MAPKAPK2: variants seen among roughly 807,000 people sequenced by gnomAD.
The protein encoded by MAPKAPK2 is MAPK activated protein kinase 2, also known as MAP kinase-activated protein kinase 2.
Under a neutral mutation model 48.8 loss-of-function variants are expected in MAPKAPK2, and 9 were observed. The ratio of observed to expected loss-of-function variants is 0.18; its 90% CI spans 0.11 to 0.32. The LOEUF (loss-of-function observed/expected upper bound fraction) is 0.32. Ranked by LOEUF, MAPKAPK2 falls within the 10% of genes least tolerant of loss-of-function variation. MAPKAPK2 has a pLI of 1.00. For missense variants in MAPKAPK2, 331 were observed against 498.3 expected, an observed-to-expected ratio of 0.66 and a Z score of 3.20; for synonymous variants, 202 against 190.6, an observed-to-expected ratio of 1.06 and a Z score of -0.49.
chr1:206,730,500 G>C (rs563331673), intron 5 of MAPKAPK2, among the ~76,000 whole-genome samples, 188 bp from the exon 6 acceptor site: 11 of 152,348 alleles, frequency 7.2e-5, no homozygotes, highest in African/African-American at 2.6e-4. Flanking sequence ...CCTAGTTCCA[G>C]GTTCCTCATG....
At chr1:206,696,263 G>A (rs574479307) in intron 1 of MAPKAPK2, 1 of 1,304,710 alleles carries the variant, frequency 7.7e-7, no homozygotes, top group Non-Finnish European at 1.1e-6. Context: ...CCCTTTCAAG[G>A]TGCCATTTCT....
chr1:206,713,971 A>T (rs1553429917), intron 1 of MAPKAPK2, among the ~76,000 whole-genome samples: 1 of 152,126 alleles, frequency 6.6e-6, no homozygotes, highest in Non-Finnish European at 1.5e-5. Flanking sequence ...ACAAAATTGG[A>T]TTGCTTCTGT....
At chr1:206,707,782 A>G (rs973663540) in intron 1 of MAPKAPK2, among the ~76,000 whole-genome samples, 2 of 152,188 alleles carry the variant, frequency 1.3e-5, no homozygotes, top group South Asian at 2.1e-4. Context: ...TACAAAGTGG[A>G]CAGTCCACAT....
Position 206,732,656 on chromosome 1 carries a change from C to T in MAPKAPK2, c.1141C>T (p.Pro381Ser), listed in dbSNP as rs1673960719. The T allele has an allele frequency of 3.1e-6, 5 of 1,614,084 alleles. No homozygotes were observed. Among genetic ancestry groups the T allele is most frequent in the Admixed American group, 1.7e-5 (1 of 60,006 alleles). Residue 381 changes from proline (P) to serine (S), a missense_variant, in exon 10 of 10, where the codon CCT becomes TCT. Physicochemically the swap from Pro to Ser is moderately conservative, Grantham distance 74. This residue lies in a region of MAPKAPK2 where 124 missense variants were observed against 194.6 expected (regional missense o/e 0.64). Transcript: ENST00000367103. The surrounding 1 kb of genome is among the most constrained non-coding windows in gnomAD (Gnocchi z 4.4). Reference sequence around the variant, plus strand: ...AAAAAAGATTGAAGATGCATCCAACCCTCTGCTGCTGAAGAGGCGGAAGAA... The same window carrying T: ...AAAAAAGATTGAAGATGCATCCAACTCTCTGCTGCTGAAGAGGCGGAAGAA... ...KIKKIEDASNPLLLKRRKKAR... is the reference protein window; with the variant it reads ...KIKKIEDASNSLLLKRRKKAR...
rs1553433002 is a variant in MAPKAPK2 at position 206,732,942 on chromosome 1, T to A, written c.*224T>A. The A allele has an allele frequency of 1.9e-6, 1 of 519,414 alleles. No individual in the cohort carries two copies. The highest frequency in any genetic ancestry group is 3.1e-5 in the East Asian group (1 of 32,284). The allele number at this position is 519,414 out of a possible 1,614,324, so 32.2% of individuals were successfully genotyped here. A position where few individuals can be genotyped will look rare whatever the true frequency, so the allele number is the denominator to read the frequency against. ...TGGAGAGAAGTGAGCAAGGTGCTCT[T>A]GAACCTGTGCTCATTTTGCAATTTT... On this transcript the variant is annotated 3_prime_UTR_variant, in exon 10 of 10. Transcript: ENST00000367103. The surrounding 1 kb of genome is among the most constrained non-coding windows in gnomAD (Gnocchi z 4.4).
At chr1:206,685,702 C>A (rs1320396854) in intron 1 of MAPKAPK2, among the ~76,000 whole-genome samples, 194 bp downstream of exon 1, 11 of 149,818 alleles carry the variant, frequency 7.3e-5, no homozygotes, top group African/African-American at 2.7e-4. Context: ...CCTCCCTGAC[C>A]GCTTCCGGCC....
intron 1 of MAPKAPK2, among the ~76,000 whole-genome samples, chr1:206,691,435 T>C (rs1672449737): frequency 6.9e-6 from 1 of 144,692 alleles, no homozygotes; most frequent in African/African-American, 2.5e-5. Context: ...CAGATTGCTG[T>C]GTACCTTTTC....
intron 5 of MAPKAPK2, 109 bp downstream of exon 5, chr1:206,730,207 G>A (rs897042493): frequency 4.6e-5 from 62 of 1,338,064 alleles, no homozygotes; most frequent in Non-Finnish European, 6.0e-5. Context: ...TGTCTGTATG[G>A]CCCCTTCTGG....
intron 1 of MAPKAPK2, among the ~76,000 whole-genome samples, chr1:206,696,589 A>T (rs563168565): frequency 6.6e-6 from 1 of 152,282 alleles, no homozygotes; most frequent in South Asian, 2.1e-4. Context: ...CCATAGTTTC[A>T]GCTACTCAGG....
chr1:206,715,427 G>C (rs141846835), intron 1 of MAPKAPK2, among the ~76,000 whole-genome samples: 29 of 152,184 alleles, frequency 1.9e-4, no homozygotes, highest in African/African-American at 7.0e-4. Context: ...TACTGTCTCA[G>C]CTCTTCACTT....
chr1:206,713,129 C>T (rs1158794039), intron 1 of MAPKAPK2, among the ~76,000 whole-genome samples: 2 of 152,100 alleles, frequency 1.3e-5, no homozygotes, highest in Non-Finnish European at 2.9e-5. Flanking sequence ...AGACATTGTC[C>T]CAGCTTCCAA....
chr1:206,722,264 G>T (rs1411160145), intron 1 of MAPKAPK2, among the ~76,000 whole-genome samples: 1 of 152,138 alleles, frequency 6.6e-6, no homozygotes, highest in Non-Finnish European at 1.5e-5. Flanking sequence ...GGAAGCTGAG[G>T]CAGGAGAATG....
In MAPKAPK2 at chr1:206,732,259, G is replaced by T; in HGVS notation, c.1060-316G>T. On this transcript the variant is annotated intron_variant, in intron 9 of 9. Coordinates refer to ENST00000367103, the MANE Select transcript of MAPKAPK2 (RefSeq NM_032960.4). This position sits in a 1 kb window ranked among gnomAD's most constrained non-coding sequence, Gnocchi z 4.4. ...GCAGTCTGCTCAAGGTCACGCAGCT[G>T]GTGACTGGTTGGGGCAGACCGGACC... The T allele has an allele frequency of 6.8e-7, 1 of 1,477,992 alleles. No homozygotes were observed. 91.6% of individuals were successfully genotyped at this position (1,477,992 alleles called of 1,614,324 possible). A position where few individuals can be genotyped will look rare whatever the true frequency, so the allele number is the denominator to read the frequency against.
At chr1:206,712,516 T>A (rs1323941570) in intron 1 of MAPKAPK2, among the ~76,000 whole-genome samples, 2 of 152,208 alleles carry the variant, frequency 1.3e-5, no homozygotes, top group Non-Finnish European at 2.9e-5. Context: ...GTTGTTAGTT[T>A]TGGCGTATAT....
chr1:206,709,172 C>G (rs1553429102), intron 1 of MAPKAPK2, among the ~76,000 whole-genome samples: 1 of 152,182 alleles, frequency 6.6e-6, no homozygotes, highest in Non-Finnish European at 1.5e-5. Flanking sequence ...CTCTGCCCTG[C>G]CCTCTCATTG....
rs577890425 is a variant in MAPKAPK2 at position 206,701,298 on chromosome 1, G to A, written c.279+15790G>A. On this transcript the variant is annotated intron_variant, in intron 1 of 9. Coordinates refer to ENST00000367103, the MANE Select transcript of MAPKAPK2 (RefSeq NM_032960.4). ...ATTTAAAATTCAGTTCCTCAGTAGT[G>A]CCAGCCACATTTTAAGTGCTCAGTG... is the stretch of plus-strand genomic sequence containing the variant. 2.0e-5 allele frequency among the ~76,000 whole-genome samples: 3 copies of A among 152,310 alleles called. No individual in the cohort carries two copies. In the South Asian group the frequency reaches 6.2e-4, roughly 32 times the overall value.
In MAPKAPK2 at chr1:206,685,270, T is replaced by TAC; in HGVS notation, c.41_42insAC (p.Phe14LeufsTer123). 1.8e-6 allele frequency: 1 copy of TAC among 566,982 alleles called. No homozygotes were observed. The highest frequency in any genetic ancestry group is 2.6e-6 in the Non-Finnish European group (1 of 379,590). 35.1% of individuals were successfully genotyped at this position (566,982 alleles called of 1,614,324 possible). A position where few individuals can be genotyped will look rare whatever the true frequency, so the allele number is the denominator to read the frequency against. On this transcript the variant is annotated frameshift_variant, in exon 1 of 10. Coordinates refer to ENST00000367103, the MANE Select transcript of MAPKAPK2 (RefSeq NM_032960.4). LOFTEE classifies it high-confidence loss of function. ...CAGGGCCAGAGCCCGCCGGTGCCGT[T>TAC]CCCCGCCCCGGCCCCGCCGCCGCAG...
chr1:206,731,699 G>A lies in MAPKAPK2; in HGVS notation c.952G>A (p.Glu318Lys), dbSNP rs868917636. Residue 318 changes from glutamate to lysine, a missense_variant, in exon 8 of 10, where the codon GAG becomes AAG. By Grantham distance (56) the Glu-to-Lys change is moderately conservative. Around this residue, in one of 4 missense-constraint regions of MAPKAPK2, gnomAD observed 124 missense variants for 194.6 expected, o/e 0.64. Coordinates refer to ENST00000367103, the MANE Select transcript of MAPKAPK2 (RefSeq NM_032960.4). The surrounding 1 kb of genome is among the most constrained non-coding windows in gnomAD (Gnocchi z 5.9). ...GCCCACCCAGAGAATGACCATCACCGAGTTTATGAACCACCCTTGGATCAT... is the reference window on the plus strand; with the variant it reads ...GCCCACCCAGAGAATGACCATCACCAAGTTTATGAACCACCCTTGGATCAT... ...TEPTQRMTIT[E>K]FMNHPWIMQS... The A allele has an allele frequency of 6.2e-7, 1 of 1,614,122 alleles. No homozygotes were observed. The highest frequency in any genetic ancestry group is 8.5e-7 in the Non-Finnish European group (1 of 1,180,006).
chr1:206,732,034 C>T lies in MAPKAPK2; in HGVS notation c.1059+115C>T. The T allele has an allele frequency of 6.2e-7, 1 of 1,614,100 alleles. No individual in the cohort carries two copies. The highest frequency in any genetic ancestry group is 1.1e-5 in the South Asian group (1 of 91,082). On this transcript the variant is annotated intron_variant, in intron 9 of 9. Transcript: ENST00000367103. This position sits in a 1 kb window ranked among gnomAD's most constrained non-coding sequence, Gnocchi z 4.4. ...AGAGCTTGATTCTGCCTCTCTCATC[C>T]CAGGGGTGTCTTCATGACAAGAACA...
Sources: allele counts gnomAD v4.1 joint callset (sites outside exome capture counted in the v4.1 genomes callset), GRCh38; gene constraint gnomAD v4.1.1; regional missense constraint gnomAD v4.1.1; non-coding constraint Gnocchi (gnomAD v3.1); transcripts MANE v1.5; gene names NCBI Gene and HGNC (gene_info 2026-07-23, HGNC 2026-07-21).